The following JAK1 variants were observed in gnomAD, a reference collection of about 807,000 sequenced individuals.
JAK1 encodes Janus kinase 1, also known as tyrosine-protein kinase JAK1.
In JAK1, 16 loss-of-function variants were observed where a neutral mutation model predicts 136.6. The ratio of observed to expected loss-of-function variants is 0.12; its 90% confidence interval spans 0.08 to 0.18. The LOEUF (loss-of-function observed/expected upper bound fraction) is 0.18. Among genes scored for constraint, JAK1 ranks in the 10% least tolerant of loss-of-function variants. JAK1 has a pLI of 1.00. For missense variants in JAK1, 859 were observed against 1,450.1 expected, an observed-to-expected ratio of 0.59 and a Z score of 6.62; for synonymous variants, 492 against 519.5, an observed-to-expected ratio of 0.95 and a Z score of 0.72.
chr1:64,957,913 C>T (rs1264243939), intron 1 of JAK1, among the ~76,000 whole-genome samples: 1 of 151,328 alleles, frequency 6.6e-6, no homozygotes, highest in Non-Finnish European at 1.5e-5. Context: ...CACTGCAGCC[C>T]GGCCTGGGCG....
intron 1 of JAK1, among the ~76,000 whole-genome samples, chr1:65,044,831 CTG>C (rs997604248): frequency 6.6e-5 from 10 of 152,344 alleles, no homozygotes; most frequent in Non-Finnish European, 1.3e-4. Context: ...CCCTTGGAGA[CTG>C]TGATGCCCTG....
At chr1:64,842,154 A>C (rs940338838) in intron 17 of JAK1, among the ~76,000 whole-genome samples, 34 of 152,204 alleles carry the variant, frequency 2.2e-4, no homozygotes, top group African/African-American at 8.2e-4. Flanking sequence ...AAAACTCAGA[A>C]TTTTATATAA....
chr1:65,005,596 T>C (rs751877689), intron 2 of JAK1, among the ~76,000 whole-genome samples: 5 of 152,240 alleles, frequency 3.3e-5, no homozygotes, highest in East Asian at 3.8e-4. Flanking sequence ...GTGATGGATA[T>C]GCTAATTACC....
intron 2 of JAK1, among the ~76,000 whole-genome samples, chr1:65,002,902 C>T (rs1220374357): frequency 6.6e-6 from 1 of 152,224 alleles, no homozygotes; most frequent in Admixed American, 6.5e-5. Context: ...ACGCGCTGCT[C>T]CTTCCAGGTC....
intron 2 of JAK1, among the ~76,000 whole-genome samples, chr1:65,018,562 C>T (rs190008801): frequency 7.9e-5 from 12 of 152,026 alleles, no homozygotes; most frequent in Admixed American, 2.0e-4. Flanking sequence ...ATGTTGTACA[C>T]ACTGGAAAGA....
chr1:64,912,758 G>A (rs561748175), intron 1 of JAK1, among the ~76,000 whole-genome samples: 4 of 152,298 alleles, frequency 2.6e-5, no homozygotes, highest in African/African-American at 9.6e-5. Flanking sequence ...ACCACTTCTT[G>A]TAAAAGTACT....
Position 64,838,113 on chromosome 1 carries a change from GA to G in JAK1, c.2968-10del. 1 of 1,608,860 alleles carries G rather than the reference GA, an allele frequency of 6.2e-7. No homozygotes were observed. Among genetic ancestry groups the G allele is most frequent in the African/African-American group, 1.3e-5 (1 of 74,872 alleles). On this transcript the variant is annotated splice_polypyrimidine_tract_variant and intron_variant, in intron 21 of 24. Coordinates refer to ENST00000342505, the MANE Select transcript of JAK1 (RefSeq NM_002227.4). ...CCCAAATAGTCCATCCCCTGAGAGA[GA>G]GAAGTAAAAGTCAAGCACATTGCTA...
chr1:64,897,719 G>C (rs1375834918), intron 1 of JAK1, among the ~76,000 whole-genome samples: 1 of 151,286 alleles, frequency 6.6e-6, no homozygotes, highest in African/African-American at 2.4e-5. Context: ...TTCTTCTGAG[G>C]GGATACTACC....
chr1:64,981,463 C>A (rs1205207361), intron 2 of JAK1, among the ~76,000 whole-genome samples: 1 of 152,224 alleles, frequency 6.6e-6, no homozygotes, highest in East Asian at 1.9e-4. Flanking sequence ...ATGGGCCTCA[C>A]TGATTGGTCT....
chr1:65,034,587 C>T (rs1647053376), intron 2 of JAK1, among the ~76,000 whole-genome samples: 1 of 152,122 alleles, frequency 6.6e-6, no homozygotes, highest in South Asian at 2.1e-4. Context: ...CACAAGCTTT[C>T]TTCCTGTGGT....
intron 2 of JAK1, chr1:64,993,225 A>T (rs1646674173): frequency 6.6e-6 from 1 of 152,180 alleles, no homozygotes. Context: ...GACTTTTAAA[A>T]TTTACTTTAT....
intron 13 of JAK1, 25 bp downstream of exon 13, chr1:64,847,507 G>A (rs1655314137): frequency 1.2e-6 from 2 of 1,613,332 alleles, no homozygotes; most frequent in Non-Finnish European, 8.5e-7. Flanking sequence ...GAGGGGAGGG[G>A]AGGAGTTCAG....
chr1:64,878,356 T>C (rs770752341), intron 4 of JAK1, among the ~76,000 whole-genome samples: 2 of 151,996 alleles, frequency 1.3e-5, no homozygotes, highest in Non-Finnish European at 2.9e-5. Flanking sequence ...GTCTGCAATA[T>C]GGGAGAAAAG....
intron 5 of JAK1, among the ~76,000 whole-genome samples, chr1:64,872,155 T>G (rs920678174): frequency 2.0e-5 from 3 of 152,190 alleles, no homozygotes; most frequent in African/African-American, 7.2e-5. Flanking sequence ...TCGGCAATAT[T>G]GAAGACATTT....
intron 1 of JAK1, among the ~76,000 whole-genome samples, chr1:64,903,709 C>T (rs1474298374): frequency 6.6e-6 from 1 of 152,170 alleles, no homozygotes; most frequent in Non-Finnish European, 1.5e-5. Context: ...CTGATAGCAT[C>T]ATAAAGTCTT....
chr1:64,975,317 G>A (rs969599921), intron 2 of JAK1, among the ~76,000 whole-genome samples: 1 of 152,184 alleles, frequency 6.6e-6, no homozygotes, highest in Non-Finnish European at 1.5e-5. Flanking sequence ...GGAAAGCCCA[G>A]CTCTGTGCAA....
At chr1:64,950,589 T>C (rs770256768) in intron 1 of JAK1, among the ~76,000 whole-genome samples, 18 of 152,202 alleles carry the variant, frequency 1.2e-4, no homozygotes, top group Admixed American at 3.9e-4. Context: ...GCCCTTGGAC[T>C]GAGCACCTAG....
intron 1 of JAK1, among the ~76,000 whole-genome samples, chr1:64,940,767 A>G (rs1645875949): frequency 6.6e-6 from 1 of 152,248 alleles, no homozygotes; most frequent in Non-Finnish European, 1.5e-5. Flanking sequence ...CACAAATTAC[A>G]TTTGTAGCTG....
chr1:65,031,814 G>T (rs762157442), intron 2 of JAK1, among the ~76,000 whole-genome samples: 1 of 151,992 alleles, frequency 6.6e-6, no homozygotes, highest in African/African-American at 2.4e-5. Context: ...TAAAGGAAAT[G>T]AGCTAAAACA....
Sources: gnomAD v4.1 joint callset for allele counts (sites outside exome capture counted in the v4.1 genomes callset) on GRCh38, gnomAD v4.1.1 for gene constraint, MANE v1.5 for transcripts, NCBI Gene and HGNC (gene_info 2026-07-23, HGNC 2026-07-21) for gene names.